Variants in DYRK1A observed in about 807,000 individuals in gnomAD.
DYRK1A encodes the protein dual specificity tyrosine-phosphorylation-regulated kinase 1A.
A neutral mutation model predicts 79.7 loss-of-function variants in DYRK1A; 9 were observed. The observed-to-expected ratio is 0.11, with a 90% CI of 0.07 to 0.20. The LOEUF (loss-of-function observed/expected upper bound fraction) is 0.20. Ranked by LOEUF, DYRK1A falls within the 10% of genes least tolerant of loss-of-function variation. The pLI, the probability that DYRK1A is intolerant of heterozygous loss-of-function variation, is 1.00. For missense variants in DYRK1A, 622 were observed against 956.0 expected (o/e 0.65, Z 4.61); for synonymous variants, 349 against 329.7 (o/e 1.06, Z -0.63).
upstream of DYRK1A, among the ~76,000 whole-genome samples, chr21:37,366,371 G>A (rs1281980395): frequency 2.1e-5 from 3 of 144,882 alleles, no homozygotes; most frequent in Non-Finnish European, 4.6e-5. Flanking sequence ...CGGCGCGGGA[G>A]GCCGCGCGCG....
intron 1 of DYRK1A, among the ~76,000 whole-genome samples, chr21:37,413,070 T>G (rs917497880): frequency 2.6e-5 from 4 of 152,174 alleles, no homozygotes; most frequent in Non-Finnish European, 5.9e-5. Flanking sequence ...ATAGCTAGTG[T>G]TGTGAAATAC....
intron 6 of DYRK1A, among the ~76,000 whole-genome samples, chr21:37,489,829 T>C (rs1180259756): frequency 6.6e-6 from 1 of 152,148 alleles, no homozygotes; most frequent in Non-Finnish European, 1.5e-5. Flanking sequence ...AAAAAGTGCT[T>C]TCTTTTATAA....
chr21:37,417,189 G>GTA (rs1037616583), intron 1 of DYRK1A, among the ~76,000 whole-genome samples: 17 of 151,426 alleles, frequency 1.1e-4, no homozygotes, highest in East Asian at 5.8e-4. Flanking sequence ...GTTTATTAGT[G>GTA]TATATATATA....
At chr21:37,430,850 A>AT (rs1411295178) in intron 2 of DYRK1A, among the ~76,000 whole-genome samples, 1 of 151,960 alleles carries the variant, frequency 6.6e-6, no homozygotes, top group Non-Finnish European at 1.5e-5. Context: ...TGGAGTAGGT[A>AT]TTTCTTTAGA....
rs1367465038 is a variant in DYRK1A, at chr21:37,387,072, C to T, written c.-77+19444C>T. ...GCACTGGGCATGCTTTCCTTGAGCACATGCCTAAATGGAGGTGGGTGTGCA... is the reference window on the plus strand; with the variant it reads ...GCACTGGGCATGCTTTCCTTGAGCATATGCCTAAATGGAGGTGGGTGTGCA... On this transcript the variant is annotated intron_variant, in intron 1 of 11. Coordinates refer to ENST00000647188, the MANE Select transcript of DYRK1A (RefSeq NM_001347721.2). Among the ~76,000 whole-genome samples the T allele has an allele frequency of 2.0e-5, 3 of 152,194 alleles. No individual in the cohort carries two copies. In the East Asian group the frequency reaches 5.8e-4, roughly 29 times the overall value.
In DYRK1A at chr21:37,525,121, G is replaced by A. The variant is rs746669153; in HGVS notation, c.*12590G>A. The A allele has an allele frequency of 6.6e-6, 1 of 152,262 alleles. No individual in the cohort carries two copies. Among genetic ancestry groups the A allele is most frequent in the Non-Finnish European group, 1.5e-5 (1 of 68,040 alleles). The allele number at this position is 152,262 out of a possible 1,614,324, so 9.4% of individuals were successfully genotyped here. On this transcript the variant is annotated 3_prime_UTR_variant, in exon 12 of 12. Coordinates refer to ENST00000647188, the MANE Select transcript of DYRK1A (RefSeq NM_001347721.2). ...TCTCAAAACAAAAAGTTGAGAAAAC[G>A]AATTCAGTACACCCTGAAGTGGAAT... is the stretch of plus-strand genomic sequence containing the variant.
At chr21:37,480,235 G>C (rs891065774) in intron 4 of DYRK1A, among the ~76,000 whole-genome samples, 1 of 152,096 alleles carries the variant, frequency 6.6e-6, no homozygotes, top group African/African-American at 2.4e-5. Context: ...TGACTGGAAG[G>C]GGGCATGAGA....
At chr21:37,498,784 G>T (rs2053352570) in intron 9 of DYRK1A, among the ~76,000 whole-genome samples, 1 of 152,198 alleles carries the variant, frequency 6.6e-6, no homozygotes, top group Admixed American at 6.5e-5. Flanking sequence ...ATATTCCCAT[G>T]ATGTATGAGG....
chr21:37,443,510 C>T (rs962514835), intron 2 of DYRK1A, among the ~76,000 whole-genome samples: 4 of 152,094 alleles, frequency 2.6e-5, no homozygotes, highest in Admixed American at 2.6e-4. Context: ...TGTAAGTTTT[C>T]TTGGCTTTTG....
intron 1 of DYRK1A, among the ~76,000 whole-genome samples, chr21:37,398,067 T>TAA (rs111780739): frequency 1.1e-3 from 111 of 98,924 alleles, no homozygotes; most frequent in African/African-American, 3.2e-3. Flanking sequence ...CCTCATCTCT[T>TAA]AAAAAAAAAA....
At chr21:37,471,040 A>C (rs2052204526) in intron 2 of DYRK1A, among the ~76,000 whole-genome samples, 1 of 152,206 alleles carries the variant, frequency 6.6e-6, no homozygotes, top group African/African-American at 2.4e-5. Flanking sequence ...TCTGAAAGCA[A>C]TGCTAGGGGC....
intron 2 of DYRK1A, among the ~76,000 whole-genome samples, chr21:37,471,930 C>CT (rs1378786139): frequency 6.6e-6 from 1 of 152,122 alleles, no homozygotes; most frequent in African/African-American, 2.4e-5. Context: ...TTATCCTTTT[C>CT]TTAAAGAATT....
intron 4 of DYRK1A, among the ~76,000 whole-genome samples, chr21:37,479,489 T>C (rs528336308): frequency 6.6e-6 from 1 of 151,860 alleles, no homozygotes; most frequent in Non-Finnish European, 1.5e-5. Flanking sequence ...CCATGCAGTG[T>C]AATTTATAAT....
intron 1 of DYRK1A, among the ~76,000 whole-genome samples, chr21:37,414,086 T>C (rs2050292039): frequency 6.6e-6 from 1 of 152,050 alleles, no homozygotes; most frequent in Non-Finnish European, 1.5e-5. Context: ...TATATACATA[T>C]ATTTAAGGAG....
intron 2 of DYRK1A, among the ~76,000 whole-genome samples, chr21:37,444,364 G>T (rs1015689278): frequency 6.7e-6 from 1 of 149,578 alleles, no homozygotes. Flanking sequence ...ACTGCAGGAA[G>T]GATTGGAGGC....
chr21:37,428,114 G>C (rs1241154345), intron 2 of DYRK1A, among the ~76,000 whole-genome samples: 2 of 152,154 alleles, frequency 1.3e-5, no homozygotes, highest in Non-Finnish European at 2.9e-5. Context: ...GCTAGTAAGG[G>C]ATGGAGCTGG....
At chr21:37,461,057 G>A (rs2148526223) in intron 2 of DYRK1A, among the ~76,000 whole-genome samples, 1 of 152,174 alleles carries the variant, frequency 6.6e-6, no homozygotes, top group African/African-American at 2.4e-5. Context: ...GAGTGGTAAG[G>A]GCCCTTTTAC....
rs1157800469 is a variant in DYRK1A at position 37,520,210 on chromosome 21, G to C, written c.*7679G>C. On this transcript the variant is annotated 3_prime_UTR_variant, in exon 12 of 12. Transcript: ENST00000647188. Reference sequence around the variant, plus strand: ...TTAGACCCTTGTGATCACGCATCCAGGGGCCAGTCCCCACCCTTTGCTCCC... The same window carrying C: ...TTAGACCCTTGTGATCACGCATCCACGGGCCAGTCCCCACCCTTTGCTCCC... 3 of 152,214 alleles carry C rather than the reference G, an allele frequency of 2.0e-5. No homozygotes were observed. Among genetic ancestry groups the C allele is most frequent in the Non-Finnish European group, 4.4e-5 (3 of 68,052 alleles). The allele number at this position is 152,214 out of a possible 1,614,324, so 9.4% of individuals were successfully genotyped here.
intron 1 of DYRK1A, among the ~76,000 whole-genome samples, chr21:37,376,795 T>TTTTA (rs1187049303): frequency 2.0e-5 from 3 of 152,040 alleles, no homozygotes; most frequent in Admixed American, 6.6e-5. Context: ...ATATTCTAGT[T>TTTTA]TTTAAAGAGA....
Sources: allele counts gnomAD v4.1 joint callset (sites outside exome capture counted in the v4.1 genomes callset), GRCh38; gene constraint gnomAD v4.1.1; transcripts MANE v1.5; gene names NCBI Gene and HGNC (gene_info 2026-07-23, HGNC 2026-07-21).